MOXD1: variants seen among roughly 807,000 people sequenced by gnomAD.
MOXD1 encodes DBH-like monooxygenase protein 1.
Under a neutral mutation model 66.6 loss-of-function variants are expected in MOXD1, and 62 were observed. The observed-to-expected ratio is 0.93, with a 90% CI of 0.76 to 1.15. The LOEUF is 1.15. Among genes scored for constraint, MOXD1 ranks in the 50% most tolerant of loss-of-function variants. MOXD1 has a pLI of 0.00. For missense variants in MOXD1, 847 were observed against 754.6 expected (o/e 1.12, Z -1.44); for synonymous variants, 303 against 281.9 (o/e 1.07, Z -0.75).
Position 132,346,686 on chromosome 6 carries a change from C to T in MOXD1, c.664-18092G>A, listed in dbSNP as rs147385185. On this transcript the variant is annotated intron_variant, in intron 4 of 11. Transcript: ENST00000367963. ...GTACAAAATAAATTTGCTTTAGAAC[C>T]GATAATAAGTCCAGGTCTTTAAATC... Among the ~76,000 whole-genome samples the T allele has an allele frequency of 3.4e-3, 518 of 152,104 alleles. 7 individuals carry two copies. The highest frequency in any genetic ancestry group is 0.012 in the African/African-American group (495 of 41,506).
At position 132,297,807 on chromosome 6, in the gene MOXD1, T is replaced by C. The variant is rs1487296696; in HGVS notation, c.1657A>G (p.Thr553Ala). 8.7e-6 allele frequency: 14 copies of C among 1,611,140 alleles called. No homozygotes were observed. Among genetic ancestry groups the C allele is most frequent in the Non-Finnish European group, 1.2e-5 (14 of 1,178,874 alleles). ...SLPVNVRCSK[T>A]DNAEWSIQGM... is the part of the protein sequence containing the mutation. ...CTTACCGACCACTCAGCATTGTCTG[T>C]CTTGGAACATCTCACATTCACTGGC... The change falls in exon 11 of 12, where the codon ACA (threonine) becomes GCA (alanine). Residue 553 changes from threonine to alanine, a missense_variant. Thr to Ala is a moderately conservative substitution (Grantham distance 58). Coordinates refer to ENST00000367963, the MANE Select transcript of MOXD1 (RefSeq NM_015529.4).
chr6:132,393,620 G>A (rs926115056), intron 1 of MOXD1, among the ~76,000 whole-genome samples: 2 of 152,088 alleles, frequency 1.3e-5, no homozygotes, highest in African/African-American at 4.8e-5. Flanking sequence ...TCACATAATG[G>A]CATTGTTCTA....
At chr6:132,350,909 T>C (rs1363101720) in intron 4 of MOXD1, among the ~76,000 whole-genome samples, 8 of 152,114 alleles carry the variant, frequency 5.3e-5, no homozygotes, top group African/African-American at 1.9e-4. Flanking sequence ...GCAGCTATTG[T>C]AAAAGGGGTT....
chr6:132,322,732 C>A lies in MOXD1; in HGVS notation c.1252G>T (p.Asp418Tyr). The change falls in exon 8 of 12, where the codon GAC becomes TAC. Residue 418 changes from aspartate (D) to tyrosine (Y), a missense_variant. Asp to Tyr is a radical substitution (Grantham distance 160). Coordinates refer to ENST00000367963, the MANE Select transcript of MOXD1 (RefSeq NM_015529.4). ...MKLLAYDDDF[D>Y]FNFQEFQYLK... Reference sequence around the variant, plus strand: ...TACTGAAACTCCTGGAAATTGAAGTCAAAATCATCATCATAGGCAAGTAAT... The same window carrying A: ...TACTGAAACTCCTGGAAATTGAAGTAAAAATCATCATCATAGGCAAGTAAT... 1 of 1,614,018 alleles carries A rather than the reference C, an allele frequency of 6.2e-7. No homozygotes were observed.
At chr6:132,374,516 A>G in intron 2 of MOXD1, 115 bp downstream of exon 2, 2 of 1,054,998 alleles carry the variant, frequency 1.9e-6, no homozygotes, top group Non-Finnish European at 2.5e-6. Context: ...ATCAAAAAAG[A>G]TTTCAAAAAT....
Position 132,320,477 on chromosome 6 carries a change from AC to A in MOXD1, c.1365+151del. 3 of 577,978 alleles carry A rather than the reference AC, an allele frequency of 5.2e-6. 1 individual carries two copies. In the South Asian group the frequency reaches 8.6e-5, roughly 17 times the overall value. 35.8% of individuals were successfully genotyped at this position (577,978 alleles called of 1,614,324 possible). On this transcript the variant is annotated intron_variant, in intron 9 of 11. Coordinates refer to ENST00000367963, the MANE Select transcript of MOXD1 (RefSeq NM_015529.4). Reference sequence around the variant, plus strand: ...TTTGAAGTCTTAGAAAATGCTAAAAACATCTCTGATGTCACTTTTATGATAC... The same window carrying A: ...TTTGAAGTCTTAGAAAATGCTAAAAAATCTCTGATGTCACTTTTATGATAC...
At chr6:132,339,556 A>G (rs1275899390) in intron 4 of MOXD1, among the ~76,000 whole-genome samples, 1 of 152,208 alleles carries the variant, frequency 6.6e-6, no homozygotes. Context: ...TCAATTCCCC[A>G]ATATTTTCCT....
At chr6:132,374,525 ATAT>A (rs1337329024) in intron 2 of MOXD1, 103 bp downstream of exon 2, 4 of 1,070,492 alleles carry the variant, frequency 3.7e-6, no homozygotes, top group Non-Finnish European at 5.0e-6. Flanking sequence ...GATTTCAAAA[ATAT>A]TAGAAAAAAG....
At chr6:132,298,129 G>C (rs1420030781) in intron 10 of MOXD1, among the ~76,000 whole-genome samples, 174 bp from the exon 11 acceptor site, 12 of 152,054 alleles carry the variant, frequency 7.9e-5, no homozygotes, top group Non-Finnish European at 1.6e-4. Flanking sequence ...CCAAATAAAA[G>C]ATTTTTAAAG....
At chr6:132,322,527 C>G (rs1193507911) in intron 8 of MOXD1, 152 bp downstream of exon 8, 1 of 599,402 alleles carries the variant, frequency 1.7e-6, no homozygotes, top group Non-Finnish European at 2.6e-6. Context: ...CAAACACATT[C>G]CATCTGGGTT....
intron 9 of MOXD1, among the ~76,000 whole-genome samples, chr6:132,317,198 T>C (rs1774978121): frequency 6.6e-6 from 1 of 152,082 alleles, no homozygotes; most frequent in Non-Finnish European, 1.5e-5. Flanking sequence ...TCCAGCAAAA[T>C]CCAGCTTTCG....
chr6:132,339,123 C>A (rs1562286686), intron 4 of MOXD1, among the ~76,000 whole-genome samples: 1 of 152,034 alleles, frequency 6.6e-6, no homozygotes, highest in Non-Finnish European at 1.5e-5. Flanking sequence ...TTTGTGAGTG[C>A]CATCTCAATA....
chr6:132,327,331 A>G (rs1271792459), intron 6 of MOXD1, among the ~76,000 whole-genome samples: 1 of 152,002 alleles, frequency 6.6e-6, no homozygotes, highest in Non-Finnish European at 1.5e-5. Context: ...TGAGAACAGC[A>G]TCTGTTTTTC....
rs573842433 is a variant in MOXD1 at position 132,387,240 on chromosome 6, T to C, written c.265-12463A>G. Among the ~76,000 whole-genome samples the C allele has an allele frequency of 2.2e-4, 34 of 151,546 alleles. 3 individuals carry two copies. Among genetic ancestry groups the C allele is most frequent in the Non-Finnish European group, 4.7e-4 (32 of 67,706 alleles). On this transcript the variant is annotated intron_variant, in intron 1 of 11. Coordinates refer to ENST00000367963, the MANE Select transcript of MOXD1 (RefSeq NM_015529.4). Reference sequence around the variant, plus strand: ...TTATCTGTTTGGCAGCCACATTGTATTGAGCTAATACAATATAGCTAATAC... The same window carrying C: ...TTATCTGTTTGGCAGCCACATTGTACTGAGCTAATACAATATAGCTAATAC...
chr6:132,374,687 T>C lies in MOXD1; in HGVS notation c.355A>G (p.Ile119Val), dbSNP rs1394514615. Residue 119 changes from isoleucine to valine, a missense_variant, in exon 2 of 12, where the codon ATA becomes GTA. Ile to Val is a conservative substitution (Grantham distance 29, BLOSUM62 3). Transcript: ENST00000367963. ...EYAMENSTHT[I>V]IEFTRELHTC... is the part of the protein sequence containing the mutation. ...TGCAGCTCTCTGGTAAATTCAATTA[T>C]TGTGTGTGTGCTATTTTCCATGGCA... 9 of 1,613,922 alleles carry C rather than the reference T, an allele frequency of 5.6e-6. No individual in the cohort carries two copies. The highest frequency in any genetic ancestry group is 7.6e-6 in the Non-Finnish European group (9 of 1,179,980).
At chr6:132,313,391 T>C (rs1774873178) in intron 10 of MOXD1, among the ~76,000 whole-genome samples, 1 of 152,216 alleles carries the variant, frequency 6.6e-6, no homozygotes, top group East Asian at 1.9e-4. Flanking sequence ...TTATTAGATA[T>C]AGGCATTTCT....
chr6:132,374,484 A>T (rs1582601591), intron 2 of MOXD1, 147 bp downstream of exon 2: 1 of 848,648 alleles, frequency 1.2e-6, no homozygotes, highest in Non-Finnish European at 1.5e-6. Flanking sequence ...AAAAGAAAAA[A>T]CTAAAAAAAA....
intron 4 of MOXD1, among the ~76,000 whole-genome samples, 198 bp from the exon 5 acceptor site, chr6:132,328,792 A>C (rs1281168963): frequency 6.6e-6 from 1 of 152,222 alleles, no homozygotes; most frequent in Non-Finnish European, 1.5e-5. Flanking sequence ...TGACAACGGC[A>C]ACAACAAAGA....
At chr6:132,381,441 A>G (rs1395512907) in intron 1 of MOXD1, among the ~76,000 whole-genome samples, 2 of 152,290 alleles carry the variant, frequency 1.3e-5, no homozygotes, top group Middle Eastern at 6.8e-3. Flanking sequence ...AAATGAAGTA[A>G]AAGAAGAGAA....
Sources: gnomAD v4.1 joint callset for allele counts (sites outside exome capture counted in the v4.1 genomes callset) on GRCh38, gnomAD v4.1.1 for gene constraint, MANE v1.5 for transcripts, NCBI Gene and HGNC (gene_info 2026-07-23, HGNC 2026-07-21) for gene names.